The following SCAMP1 variants were observed in gnomAD, a reference collection of about 807,000 sequenced individuals.
The protein encoded by SCAMP1 is secretory carrier-associated membrane protein 1.
Under a neutral mutation model 41.8 loss-of-function variants are expected in SCAMP1, and 15 were observed. That is an observed-to-expected ratio of 0.36 (90% CI 0.24 to 0.55). The LOEUF (loss-of-function observed/expected upper bound fraction) is 0.55, where lower values mean the gene tolerates loss of function less well. SCAMP1 is among the 20% of genes least tolerant of loss of function. The pLI is 0.86. For synonymous variants in SCAMP1, 135 were observed against 136.8 expected, an observed-to-expected ratio of 0.99 and a Z score of 0.09; for missense variants, 341 against 412.6, an observed-to-expected ratio of 0.83 and a Z score of 1.50.
intron 2 of SCAMP1, among the ~76,000 whole-genome samples, chr5:78,411,131 CTTTAG>C (rs762813807): frequency 2.0e-5 from 3 of 152,088 alleles, no homozygotes; most frequent in African/African-American, 7.2e-5. Context: ...TGCAGAAGCT[CTTTAG>C]TTTAATTAGA....
chr5:78,429,013 TGTGCTG>T (rs1752533066), intron 6 of SCAMP1, among the ~76,000 whole-genome samples: 1 of 152,150 alleles, frequency 6.6e-6, no homozygotes, highest in South Asian at 2.1e-4. Flanking sequence ...TGTGTGTGCA[TGTGCTG>T]GTGCACATGC....
chr5:78,436,003 T>G (rs1752743582), intron 6 of SCAMP1, among the ~76,000 whole-genome samples: 1 of 152,238 alleles, frequency 6.6e-6, no homozygotes, highest in African/African-American at 2.4e-5. Flanking sequence ...TTCATGTATC[T>G]TTTGGCTGCA....
intron 5 of SCAMP1, among the ~76,000 whole-genome samples, chr5:78,420,688 T>G (rs1322129649): frequency 6.6e-6 from 1 of 152,170 alleles, no homozygotes; most frequent in Non-Finnish European, 1.5e-5. Flanking sequence ...CCTAAGTGAC[T>G]TCATCTGGAG....
chr5:78,379,251 T>C (rs1580648188), intron 1 of SCAMP1, among the ~76,000 whole-genome samples: 1 of 152,182 alleles, frequency 6.6e-6, no homozygotes, highest in Non-Finnish European at 1.5e-5. Context: ...ATAGCAAAGA[T>C]TGGAAATAAA....
At chr5:78,374,647 A>G (rs10076542) in intron 1 of SCAMP1, among the ~76,000 whole-genome samples, 67,909 of 151,816 alleles carry the variant, frequency 0.45, 15,994 homozygotes, top group Non-Finnish European at 0.5. Context: ...TTCACAAATT[A>G]TGTTTGTTTC....
intron 2 of SCAMP1, among the ~76,000 whole-genome samples, chr5:78,408,118 A>C (rs1751978793): frequency 6.6e-6 from 1 of 152,180 alleles, no homozygotes; most frequent in Admixed American, 6.5e-5. Context: ...CATACCCGAG[A>C]CCAGGTAATT....
At chr5:78,423,047 C>G (rs1752381052) in intron 6 of SCAMP1, among the ~76,000 whole-genome samples, 1 of 149,710 alleles carries the variant, frequency 6.7e-6, no homozygotes, top group Admixed American at 6.6e-5. Context: ...CACACACACA[C>G]ACACAGAGTT....
In SCAMP1 at chr5:78,475,642, A is replaced by G; in HGVS notation, c.991A>G (p.Asn331Asp). ...ASTAASSAAQ[N>D]AFKGNQI ...AACTGCAGCATCTAGTGCAGCTCAG[A>G]ATGCTTTCAAGGGTAACCAGATTTA... The change falls in exon 9 of 9, where the codon AAT (asparagine) becomes GAT (aspartate). Residue 331 changes from asparagine to aspartate, a missense_variant. Asn to Asp is a conservative substitution (Grantham distance 23). Transcript: ENST00000621999. The G allele has an allele frequency of 1.9e-6, 3 of 1,584,808 alleles. No homozygotes were observed. The highest frequency in any genetic ancestry group is 2.6e-6 in the Non-Finnish European group (3 of 1,165,900).
intron 2 of SCAMP1, among the ~76,000 whole-genome samples, chr5:78,390,906 C>G (rs113844297): frequency 6.7e-6 from 1 of 149,444 alleles, no homozygotes; most frequent in African/African-American, 2.5e-5. Context: ...CATCTTGCAC[C>G]GCCCTTAATC....
chr5:78,392,595 A>G (rs377627928), intron 2 of SCAMP1, among the ~76,000 whole-genome samples: 2 of 152,234 alleles, frequency 1.3e-5, no homozygotes, highest in East Asian at 3.8e-4. Context: ...GAAAGTGAAT[A>G]GTCTTGAGCA....
intron 2 of SCAMP1, among the ~76,000 whole-genome samples, chr5:78,396,091 C>T (rs1751642979): frequency 6.6e-6 from 1 of 152,138 alleles, no homozygotes; most frequent in African/African-American, 2.4e-5. Flanking sequence ...GTAGAACCCC[C>T]AGAATACCTA....
At chr5:78,406,063 C>G (rs968159485) in intron 2 of SCAMP1, among the ~76,000 whole-genome samples, 2 of 152,308 alleles carry the variant, frequency 1.3e-5, no homozygotes. Context: ...CAGAAAGTTT[C>G]AGGATCCTTT....
intron 7 of SCAMP1, among the ~76,000 whole-genome samples, chr5:78,454,061 C>A (rs1328555370): frequency 1.9e-4 from 29 of 152,302 alleles, no homozygotes; most frequent in Middle Eastern, 3.4e-3. Flanking sequence ...GAAGTTGCTT[C>A]TCAGCTTAAG....
intron 1 of SCAMP1, among the ~76,000 whole-genome samples, chr5:78,375,391 AAGTC>A (rs1366333748): frequency 6.6e-6 from 1 of 152,148 alleles, no homozygotes; most frequent in African/African-American, 2.4e-5. Context: ...AAACATCTCT[AAGTC>A]AGTATTCTCA....
chr5:78,474,712 A>C (rs1220521156), intron 8 of SCAMP1, among the ~76,000 whole-genome samples: 1 of 151,774 alleles, frequency 6.6e-6, no homozygotes, highest in Admixed American at 6.6e-5. Context: ...TTCTGTCCCC[A>C]CTCTGCGAAG....
rs368717981 is a variant in SCAMP1 at position 78,441,103 on chromosome 5, CT to C, written c.633-8827del. Among the ~76,000 whole-genome samples the C allele has an allele frequency of 1.1e-3, 171 of 152,328 alleles. 4 individuals carry two copies. The South Asian group carries it at 0.034, about 30-fold the overall frequency. On this transcript the variant is annotated intron_variant, in intron 6 of 8. Transcript: ENST00000621999. Reference sequence around the variant, plus strand: ...AGTGTCCCGATTTTCCAGGTACCATCTTTCATGGCTTCCCTTGGCTAGGAAA... The same window carrying C: ...AGTGTCCCGATTTTCCAGGTACCATCTTCATGGCTTCCCTTGGCTAGGAAA...
At position 78,443,212 on chromosome 5, in the gene SCAMP1, CAAAAAAAA is replaced by C. The variant is rs398051015; in HGVS notation, c.633-6703_633-6696del. Among the ~76,000 whole-genome samples, 459 of 66,104 alleles carry C rather than the reference CAAAAAAAA, an allele frequency of 6.9e-3. 4 individuals are homozygous for C. The highest frequency in any genetic ancestry group is 0.01 in the Non-Finnish European group (384 of 37,174). 43.4% of individuals were successfully genotyped at this position (66,104 alleles called of 152,430 possible). ...TGGGCAACAGAGCTAGACTCTGTCT[CAAAAAAAA>C]AAAAAAAAAAAAAAAAAGAATTTTA... On this transcript the variant is annotated intron_variant, in intron 6 of 8. Coordinates refer to ENST00000621999, the MANE Select transcript of SCAMP1 (RefSeq NM_004866.6).
chr5:78,427,969 T>G (rs1050086920), intron 6 of SCAMP1, among the ~76,000 whole-genome samples: 6 of 152,192 alleles, frequency 3.9e-5, no homozygotes, highest in African/African-American at 1.2e-4. Flanking sequence ...TTTTGTTGTT[T>G]AACAGTTTGC....
rs1306961505 is a variant in SCAMP1, at chr5:78,478,924, A to T, written c.*3256A>T. 1 of 152,158 alleles carries T rather than the reference A, an allele frequency of 6.6e-6. No homozygotes were observed. Among genetic ancestry groups the T allele is most frequent in the African/African-American group, 2.4e-5 (1 of 41,454 alleles). 9.4% of individuals were successfully genotyped at this position (152,158 alleles called of 1,614,324 possible). ...ATATTTTATTCTGTAATTCATGTTA[A>T]GATTATGTATGGTTTGCATTTTAAG... is the stretch of plus-strand genomic sequence containing the variant. On this transcript the variant is annotated 3_prime_UTR_variant, in exon 9 of 9. Transcript: ENST00000621999.
Sources: allele counts gnomAD v4.1 joint callset (sites outside exome capture counted in the v4.1 genomes callset), GRCh38; gene constraint gnomAD v4.1.1; transcripts MANE v1.5; gene names NCBI Gene and HGNC (gene_info 2026-07-23, HGNC 2026-07-21).